Variants in DRC4 observed in about 807,000 individuals in gnomAD.
The protein encoded by DRC4 is dynein regulatory complex subunit 4, also known as GAS-11.
the DRC4 span, chr16:90,040,634 C>T: frequency 2.1e-6 from 2 of 946,098 alleles, no homozygotes; most frequent in Non-Finnish European, 3.2e-6. Context: ...GAGGGGCATT[C>T]ATGGGTTTCC....
At chr16:90,040,291 T>C in the DRC4 span, 1 of 1,569,744 alleles carries the variant, frequency 6.4e-7, no homozygotes, top group South Asian at 1.2e-5. Flanking sequence ...CCCAGCGCTG[T>C]CCCTACAGGT....
the DRC4 span, chr16:90,028,980 G>C: frequency 6.9e-6 from 9 of 1,305,050 alleles, no homozygotes; most frequent in Admixed American, 2.3e-5. Flanking sequence ...AAGCAGAGAG[G>C]TGATGGGGTC....
chr16:90,022,519 T>A, the DRC4 span: 1 of 495,176 alleles, frequency 2.0e-6, no homozygotes, highest in Non-Finnish European at 3.5e-6. Flanking sequence ...GGCGACATTT[T>A]CCCAACGTTC....
the DRC4 span, chr16:90,031,407 C>T: frequency 2.0e-5 from 33 of 1,613,734 alleles, no homozygotes; most frequent in South Asian, 2.7e-4. Flanking sequence ...GGAGATCACA[C>T]GGAGGCAGCT....
At chr16:90,027,656 G>GAAAGGC in the DRC4 span, 1 of 1,614,018 alleles carries the variant, frequency 6.2e-7, no homozygotes, top group Non-Finnish European at 8.5e-7. Flanking sequence ...AGAAAGGGAA[G>GAAAGGC]AAAGGCAAAG....
At chr16:90,034,446 AC>A in the DRC4 span, among the ~76,000 whole-genome samples, 1 of 151,878 alleles carries the variant, frequency 6.6e-6, no homozygotes, top group Non-Finnish European at 1.5e-5. Context: ...ACGTGGTGAA[AC>A]CCCGTCTCTA....
the DRC4 span, chr16:90,044,463 C>T: frequency 4.3e-6 from 2 of 469,356 alleles, no homozygotes; most frequent in South Asian, 1.6e-5. Context: ...CCCAGTGAGT[C>T]ATGAGCCTCA....
the DRC4 span, among the ~76,000 whole-genome samples, chr16:90,024,659 C>G: frequency 4.3e-4 from 66 of 152,192 alleles, no homozygotes; most frequent in African/African-American, 1.5e-3. Context: ...AGCTCTTTCT[C>G]TTTTTCAGGG....
chr16:90,029,109 C>G, the DRC4 span: 1 of 1,282,718 alleles, frequency 7.8e-7, no homozygotes, highest in African/African-American at 1.7e-5. Context: ...CCTGTGGAGA[C>G]AGGCCTTGTG....
the DRC4 span, chr16:90,042,657 T>C: frequency 1.3e-6 from 1 of 781,282 alleles, no homozygotes; most frequent in Non-Finnish European, 2.2e-6. Flanking sequence ...AAGGCAGCTG[T>C]CACTGTCCCC....
At chr16:90,044,277 C>G in the DRC4 span, 6 of 440,822 alleles carry the variant, frequency 1.4e-5, no homozygotes, top group East Asian at 1.4e-4. Flanking sequence ...CCAGCCTCCC[C>G]ACAAAGCCTG....
the DRC4 span, chr16:90,037,261 G>T: frequency 1.9e-6 from 3 of 1,613,084 alleles, no homozygotes; most frequent in Non-Finnish European, 2.5e-6. Flanking sequence ...GGAAGAAGGA[G>T]GACCACCTGG....
the DRC4 span, among the ~76,000 whole-genome samples, chr16:90,021,150 C>T: frequency 1.3e-5 from 2 of 152,246 alleles, no homozygotes; most frequent in Non-Finnish European, 2.9e-5. Context: ...GGCTGCTCCT[C>T]TCCAAGAACA....
At chr16:90,026,185 A>G in the DRC4 span, among the ~76,000 whole-genome samples, 3 of 152,150 alleles carry the variant, frequency 2.0e-5, no homozygotes, top group African/African-American at 7.2e-5. Flanking sequence ...GGGAGTAGCA[A>G]AGTCAGCAGG....
chr16:90,043,428 G>GT, the DRC4 span: 2 of 1,336,684 alleles, frequency 1.5e-6, no homozygotes, highest in Non-Finnish European at 2.0e-6. Flanking sequence ...AGGACAGCAA[G>GT]TTTTTTAGAT....
At chr16:90,025,499 A>C in the DRC4 span, among the ~76,000 whole-genome samples, 19 of 151,348 alleles carry the variant, frequency 1.3e-4, no homozygotes, top group African/African-American at 4.6e-4. Flanking sequence ...AAATACAAAA[A>C]ATTAGCCGGA....
chr16:90,032,209 G>A, the DRC4 span, among the ~76,000 whole-genome samples: 1 of 149,164 alleles, frequency 6.7e-6, no homozygotes, highest in African/African-American at 2.5e-5. Flanking sequence ...TTACAGGTAC[G>A]GTGCAGGTGA....
the DRC4 span, chr16:90,035,755 C>T: frequency 1.9e-6 from 3 of 1,613,782 alleles, no homozygotes; most frequent in South Asian, 2.2e-5. Flanking sequence ...AGGAATTTAC[C>T]TCCAGAGCTT....
At chr16:90,044,762 G>C in the DRC4 span, 1 of 376,566 alleles carries the variant, frequency 2.7e-6, no homozygotes, top group South Asian at 2.0e-5. Context: ...AGGCTGTTAG[G>C]TCCTGCAGTT....
Sources: allele counts gnomAD v4.1 joint callset (sites outside exome capture counted in the v4.1 genomes callset), GRCh38; gene constraint gnomAD v4.1.1; transcripts MANE v1.5; gene names NCBI Gene and HGNC (gene_info 2026-07-23, HGNC 2026-07-21).